The following TRAK1 variants were observed in gnomAD, a reference collection of about 807,000 sequenced individuals.
The protein encoded by TRAK1 is trafficking kinesin protein 1, also known as trafficking kinesin-binding protein 1.
In TRAK1, 33 loss-of-function variants were observed where a neutral mutation model predicts 92.1. The observed-to-expected ratio is 0.36, with a 90% CI of 0.27 to 0.48. The LOEUF is 0.48. Ranked by LOEUF, TRAK1 falls within the 20% of genes least tolerant of loss-of-function variation. TRAK1 has a pLI of 0.99. For synonymous variants in TRAK1, 521 were observed against 517.3 expected, an observed-to-expected ratio of 1.01 and a Z score of -0.10; for missense variants, 1,123 against 1,257.9, an observed-to-expected ratio of 0.89 and a Z score of 1.62.
At chr3:42,178,427 CT>C (rs1228751007) in intron 3 of TRAK1, among the ~76,000 whole-genome samples, 1 of 152,048 alleles carries the variant, frequency 6.6e-6, no homozygotes, top group Non-Finnish European at 1.5e-5. Context: ...CGCCCTTGGC[CT>C]TCTATGGCAT....
intron 2 of TRAK1, among the ~76,000 whole-genome samples, chr3:42,133,704 T>C (rs1697515813): frequency 6.6e-6 from 1 of 152,260 alleles, no homozygotes; most frequent in African/African-American, 2.4e-5. Flanking sequence ...TACTGAGTGC[T>C]TACCACTTGC....
chr3:42,028,188 C>A (rs1701991382), intron 1 of TRAK1, among the ~76,000 whole-genome samples: 1 of 152,202 alleles, frequency 6.6e-6, no homozygotes, highest in Non-Finnish European at 1.5e-5. Flanking sequence ...ATACAGGTGC[C>A]GGAACACCAG....
upstream of TRAK1, among the ~76,000 whole-genome samples, chr3:42,088,891 T>C (rs1315751543): frequency 6.6e-6 from 1 of 152,220 alleles, no homozygotes; most frequent in East Asian, 1.9e-4. Context: ...TTTGCTCTTA[T>C]GTGTGCACCT....
At chr3:42,121,259 C>CTTT (rs397959962) in intron 1 of TRAK1, among the ~76,000 whole-genome samples, 8 of 131,798 alleles carry the variant, frequency 6.1e-5, no homozygotes, top group African/African-American at 8.4e-5. Flanking sequence ...CTGGGGAATT[C>CTTT]TTTTTTTTTT....
At position 42,209,840 on chromosome 3, in the gene TRAK1, TGTG is replaced by T; in HGVS notation, c.1821_1823del (p.Val608del). On this transcript the variant is annotated inframe_deletion, in exon 14 of 16. Transcript: ENST00000327628. ...GGGGCATCCTGGACCCCCGGCCCGG[TGTG>T]GTCACCAAGGGCTTCCGGACGCTGG... is the stretch of plus-strand genomic sequence containing the variant. 3 of 1,614,172 alleles carry T rather than the reference TGTG, an allele frequency of 1.9e-6. No individual in the cohort carries two copies. Among genetic ancestry groups the T allele is most frequent in the Non-Finnish European group, 1.7e-6 (2 of 1,180,026 alleles).
intron 5 of TRAK1, among the ~76,000 whole-genome samples, chr3:42,188,654 G>C (rs572039658): frequency 6.6e-6 from 1 of 152,344 alleles, no homozygotes; most frequent in South Asian, 2.1e-4. Context: ...GTAAAATGGA[G>C]ATAACAGTAG....
rs1313765830 is a variant in TRAK1 at position 42,157,012 on chromosome 3, G to A, written c.287-19802G>A. Reference sequence around the variant, plus strand: ...TTACTAAAAATACAAAATTAGCCAGGCGTGGTGGCGGGCGCCTGTAATCCA... The same window carrying A: ...TTACTAAAAATACAAAATTAGCCAGACGTGGTGGCGGGCGCCTGTAATCCA... On this transcript the variant is annotated intron_variant, in intron 2 of 15. Transcript: ENST00000327628. Among the ~76,000 whole-genome samples the A allele has an allele frequency of 2.0e-5, 3 of 151,970 alleles. No individual in the cohort carries two copies. The East Asian group carries it at 5.8e-4, about 29-fold the overall frequency.
intron 3 of TRAK1, among the ~76,000 whole-genome samples, chr3:42,180,176 A>G (rs187329623): frequency 2.0e-5 from 3 of 152,294 alleles, no homozygotes; most frequent in Non-Finnish European, 4.4e-5. Flanking sequence ...AAAACTAGAG[A>G]CACTACAATA....
upstream of TRAK1, among the ~76,000 whole-genome samples, chr3:42,083,103 C>T (rs1704511481): frequency 6.6e-6 from 1 of 152,182 alleles, no homozygotes; most frequent in African/African-American, 2.4e-5. Context: ...ATGTATACTC[C>T]TCGCCTTATT....
At position 42,188,110 on chromosome 3, in the gene TRAK1, G is replaced by A. The variant is rs779487365; in HGVS notation, c.546G>A (p.Ala182=). The change falls in exon 5 of 16, where the codon GCG becomes GCA. Residue 182 remains alanine, a synonymous_variant. Coordinates refer to ENST00000327628, the MANE Select transcript of TRAK1 (RefSeq NM_001042646.3). The part of the protein sequence containing the change: ...DELLQFYTSA[A]EESEPESVCS... ...TGCTTCAGTTCTACACCAGCGCTGCGGAGGAGAGTGAGCCCGAGTCCGTTT... is the reference window on the plus strand; with the variant it reads ...TGCTTCAGTTCTACACCAGCGCTGCAGAGGAGAGTGAGCCCGAGTCCGTTT... 6.2e-6 allele frequency: 10 copies of A among 1,614,006 alleles called. No homozygotes were observed. Among genetic ancestry groups the A allele is most frequent in the East Asian group, 4.5e-5 (2 of 44,872 alleles).
At chr3:42,185,027 C>G (rs1400681103) in intron 4 of TRAK1, 3 of 521,572 alleles carry the variant, frequency 5.8e-6, no homozygotes, top group African/African-American at 5.7e-5. Flanking sequence ...TTTCCTCAGG[C>G]CATGTGGATG....
chr3:42,053,374 GT>G (rs1275261884), intron 1 of TRAK1, among the ~76,000 whole-genome samples: 22 of 126,344 alleles, frequency 1.7e-4, no homozygotes, highest in African/African-American at 4.3e-4. Flanking sequence ...TCAGAGTCGG[GT>G]GGGGGGGGGG....
chr3:42,191,723 C>T, intron 7 of TRAK1, 87 bp downstream of exon 7: 5 of 1,415,212 alleles, frequency 3.5e-6, no homozygotes, highest in Non-Finnish European at 4.8e-6. Flanking sequence ...AAAGTGCAGT[C>T]TCCTGCCAGC....
At chr3:42,030,205 A>G (rs1047357255) in intron 1 of TRAK1, among the ~76,000 whole-genome samples, 20 of 151,262 alleles carry the variant, frequency 1.3e-4, no homozygotes, top group African/African-American at 4.6e-4. Context: ...AGGCTGAGAC[A>G]GGAGGATAGC....
rs193111040 is a variant in TRAK1 at position 42,160,586 on chromosome 3, G to A, written c.287-16228G>A. 2.0e-4 allele frequency: 234 copies of A among 1,186,688 alleles called. No individual in the cohort carries two copies. The East Asian group carries it at 5.7e-3, about 29-fold the overall frequency. 73.5% of individuals were successfully genotyped at this position (1,186,688 alleles called of 1,614,324 possible). ...TTGTTTTTGTTTTTTTTTAAGTTGA[G>A]GTATAAGTTAGAGATCTTATGCAAA... On this transcript the variant is annotated intron_variant, in intron 2 of 15. Transcript: ENST00000327628.
chr3:42,107,767 A>G (rs1337150317), intron 1 of TRAK1, among the ~76,000 whole-genome samples: 2 of 152,100 alleles, frequency 1.3e-5, no homozygotes, highest in East Asian at 3.9e-4. Context: ...GTAAGGATTA[A>G]GTTTGGCTGT....
chr3:42,203,446 C>T (rs1477843032), intron 13 of TRAK1: 1 of 983,506 alleles, frequency 1.0e-6, no homozygotes, highest in Non-Finnish European at 1.2e-6. Context: ...TGATTAAACT[C>T]ATGGGAAAAA....
intron 1 of TRAK1, among the ~76,000 whole-genome samples, chr3:42,098,900 G>GT: frequency 6.6e-6 from 1 of 152,192 alleles, no homozygotes; most frequent in South Asian, 2.1e-4. Flanking sequence ...CCGAGCCTTA[G>GT]GCACCAGCGT....
intron 1 of TRAK1, among the ~76,000 whole-genome samples, chr3:42,093,664 T>TCCCTTCCCTTCCCTCCCCTTCCCTC (rs1559755617): frequency 1.1e-4 from 2 of 18,580 alleles, no homozygotes; most frequent in Non-Finnish European, 2.3e-4. Context: ...TCCCTTCCCT[T>TCCCTTCCCTTCCCTCCCCTTCCCTC]CCCTCCCCTC....
Sources: gnomAD v4.1 joint callset for allele counts (sites outside exome capture counted in the v4.1 genomes callset) on GRCh38, gnomAD v4.1.1 for gene constraint, MANE v1.5 for transcripts, NCBI Gene and HGNC (gene_info 2026-07-23, HGNC 2026-07-21) for gene names.